The following ZPBP variants were observed in gnomAD, a reference collection of about 807,000 sequenced individuals.
The protein encoded by ZPBP is zona pellucida binding protein.
In ZPBP, 26 loss-of-function variants were observed where a neutral mutation model predicts 44.8. The observed-to-expected ratio is 0.58, with a 90% CI of 0.43 to 0.81. The LOEUF (loss-of-function observed/expected upper bound fraction) is 0.81, where lower values mean the gene tolerates loss of function less well. ZPBP is among the 30% of genes least tolerant of loss of function. The pLI is 0.00. For synonymous variants in ZPBP, 174 were observed against 153.2 expected, an observed-to-expected ratio of 1.14 and a Z score of -1.00; for missense variants, 409 against 434.0, an observed-to-expected ratio of 0.94 and a Z score of 0.51.
intron 5 of ZPBP, among the ~76,000 whole-genome samples, chr7:50,020,266 A>G (rs779156214): frequency 4.6e-5 from 7 of 152,130 alleles, no homozygotes; most frequent in Non-Finnish European, 7.4e-5. Context: ...TTACTTTTGA[A>G]TCTTTATACA....
At chr7:49,850,312 A>G (rs1790125550), downstream of ZPBP, 1 of 152,292 alleles carries the variant, frequency 6.6e-6, no homozygotes, top group South Asian at 2.1e-4. Context: ...TTTAAGTCAC[A>G]TTGTTTAACA....
At chr7:49,943,663 C>T (rs1390393300) in intron 7 of ZPBP, 1 of 309,394 alleles carries the variant, frequency 3.2e-6, no homozygotes, top group African/African-American at 2.2e-5. Context: ...AACAAGGTCA[C>T]ATTTGTTATG....
intron 1 of ZPBP, chr7:49,920,589 TGCTTGG>T (rs1335049518): frequency 1.1e-4 from 17 of 152,346 alleles, no homozygotes; most frequent in African/African-American, 4.1e-4. Flanking sequence ...AGAGAGACTC[TGCTTGG>T]CCGAGTTTGC....
intron 7 of ZPBP, among the ~76,000 whole-genome samples, chr7:49,970,715 T>C (rs1796266829): frequency 6.6e-6 from 1 of 151,644 alleles, no homozygotes; most frequent in Non-Finnish European, 1.5e-5. Flanking sequence ...AAAGGGTCAG[T>C]ATAGAAAACA....
chr7:49,859,194 A>G (rs905500712), intron 2 of ZPBP, among the ~76,000 whole-genome samples: 2 of 152,198 alleles, frequency 1.3e-5, no homozygotes, highest in Non-Finnish European at 2.9e-5. Flanking sequence ...GGAGTTTTTA[A>G]AGTCTTCTTT....
At chr7:49,912,398 T>A (rs1351589244) in intron 1 of ZPBP, 1 of 481,636 alleles carries the variant, frequency 2.1e-6, no homozygotes, top group Non-Finnish European at 3.6e-6. Flanking sequence ...ATAAAATCCT[T>A]CTCTAAATAA....
the ZPBP span, among the ~76,000 whole-genome samples, chr7:49,841,826 C>T: frequency 6.6e-6 from 1 of 151,974 alleles, no homozygotes; most frequent in Non-Finnish European, 1.5e-5. Flanking sequence ...TTATATTATG[C>T]TTGATAGAAA....
intron 7 of ZPBP, among the ~76,000 whole-genome samples, chr7:49,972,293 C>A (rs747055465): frequency 3.3e-5 from 5 of 151,622 alleles, no homozygotes; most frequent in African/African-American, 9.7e-5. Flanking sequence ...GGAAAGGAAG[C>A]AAAATTATCT....
chr7:49,989,277 G>A (rs938613186), intron 6 of ZPBP, among the ~76,000 whole-genome samples: 3 of 152,108 alleles, frequency 2.0e-5, no homozygotes, highest in East Asian at 1.9e-4. Flanking sequence ...TTCCTAACCT[G>A]TGGAAAGTAA....
chr7:49,870,209 G>A (rs1000803900), intron 2 of ZPBP, among the ~76,000 whole-genome samples: 2 of 152,124 alleles, frequency 1.3e-5, no homozygotes, highest in Non-Finnish European at 2.9e-5. Flanking sequence ...GACCATCCTG[G>A]CTAAGACAGT....
In ZPBP at chr7:49,981,651, T is replaced by A. The variant is rs1562820421; in HGVS notation, c.961+1691A>T. 6.2e-3 allele frequency among the ~76,000 whole-genome samples: 287 copies of A among 46,600 alleles called. 63 individuals carry two copies. The highest frequency in any genetic ancestry group is 7.2e-3 in the Admixed American group (22 of 3,044). 30.6% of individuals were successfully genotyped at this position (46,600 alleles called of 152,430 possible). On this transcript the variant is annotated intron_variant, in intron 7 of 7. Transcript: ENST00000046087. Reference sequence around the variant, plus strand: ...ATTATATTATATATTATATAATATCTTGATATAAAATATATATTATATATT... The same window carrying A: ...ATTATATTATATATTATATAATATCATGATATAAAATATATATTATATATT...
At chr7:49,959,999 TG>T (rs1409898172) in intron 7 of ZPBP, among the ~76,000 whole-genome samples, 1 of 152,224 alleles carries the variant, frequency 6.6e-6, no homozygotes, top group African/African-American at 2.4e-5. Context: ...CTTCAATAAA[TG>T]GTACTGGATC....
At chr7:50,089,430 T>C (rs3757391) in intron 2 of ZPBP, among the ~76,000 whole-genome samples, 199 bp downstream of exon 2, 125,973 of 151,910 alleles carry the variant, frequency 0.83, 52,276 homozygotes, top group East Asian at 0.88. Flanking sequence ...ATTCTTTGTA[T>C]ACTTATGTAG....
At chr7:49,930,096 A>G (rs1180363484) in intron 1 of ZPBP, among the ~76,000 whole-genome samples, 3 of 152,262 alleles carry the variant, frequency 2.0e-5, no homozygotes, top group East Asian at 3.9e-4. Flanking sequence ...TCTGAATGGA[A>G]GGCCAATTAA....
At chr7:49,944,140 A>G in intron 7 of ZPBP, 1 of 267,304 alleles carries the variant, frequency 3.7e-6, no homozygotes, top group Non-Finnish European at 7.6e-6. Flanking sequence ...TCATAACTGT[A>G]TCCACTTCCT....
rs753970341 is a variant in ZPBP, at chr7:50,018,255, G to C, written c.768C>G (p.Tyr256Ter). Residue 256 changes from tyrosine (Y) to a stop codon, truncating the protein, a stop_gained, in exon 6 of 8, where the codon TAC becomes TAG. Transcript: ENST00000046087. LOFTEE classifies it high-confidence loss of function. Reference protein sequence around the residue: ...KRCTDHNCEPYKRLFKAKNLI... With the variant: ...KRCTDHNCEP ...CATAACATACCTTAAAAAGTCTTTT[G>C]TAAGGTTCACAGTTATGGTCTGTAC... 2 of 1,610,194 alleles carry C rather than the reference G, an allele frequency of 1.2e-6. No homozygotes were observed. The highest frequency in any genetic ancestry group is 1.7e-6 in the Non-Finnish European group (2 of 1,178,414).
chr7:50,083,154 C>G (rs980934186), intron 2 of ZPBP, among the ~76,000 whole-genome samples: 1 of 151,816 alleles, frequency 6.6e-6, no homozygotes, highest in Non-Finnish European at 1.5e-5. Context: ...CCCACTAACC[C>G]CTGTACCTAT....
At chr7:49,854,577 A>G (rs1399180743) in intron 2 of ZPBP, among the ~76,000 whole-genome samples, 1 of 152,128 alleles carries the variant, frequency 6.6e-6, no homozygotes, top group Non-Finnish European at 1.5e-5. Context: ...TTTGTCTTGT[A>G]AATTTGTTTG....
intron 1 of ZPBP, among the ~76,000 whole-genome samples, chr7:50,090,918 C>A (rs1284806575): frequency 2.0e-5 from 3 of 152,172 alleles, no homozygotes; most frequent in Non-Finnish European, 2.9e-5. Context: ...TACTAGTTTA[C>A]ATTCCCACCA....
Sources: gnomAD v4.1 joint callset for allele counts (sites outside exome capture counted in the v4.1 genomes callset) on GRCh38, gnomAD v4.1.1 for gene constraint, MANE v1.5 for transcripts, NCBI Gene and HGNC (gene_info 2026-07-23, HGNC 2026-07-21) for gene names.